WDFY1: variants seen among roughly 807,000 people sequenced by gnomAD.
WDFY1 encodes WD repeat and FYVE domain containing 1, also known as WD repeat and FYVE domain-containing protein 1.
WDFY1 carries 32 observed loss-of-function variants against 56.4 expected under a neutral mutation model. The observed-to-expected ratio is 0.57, with a 90% CI of 0.43 to 0.76. The LOEUF (loss-of-function observed/expected upper bound fraction) is 0.76. WDFY1 is among the 30% of genes least tolerant of loss of function. The probability of loss-of-function intolerance (pLI) is 0.00; values close to 1 mark genes in which losing one functional copy is unlikely to be tolerated. For synonymous variants in WDFY1, 192 were observed against 197.3 expected, an observed-to-expected ratio of 0.97 and a Z score of 0.23; for missense variants, 480 against 545.7, an observed-to-expected ratio of 0.88 and a Z score of 1.20.
rs185950259 is a variant in WDFY1, at chr2:223,893,466, G to A, written c.831+768C>T. Among the ~76,000 whole-genome samples, 1,098 of 152,052 alleles carry A rather than the reference G, an allele frequency of 7.2e-3. 45 individuals carry two copies. Among genetic ancestry groups the A allele is most frequent in the Admixed American group, 0.067 (1,015 of 15,250 alleles). On this transcript the variant is annotated intron_variant, in intron 8 of 11. Coordinates refer to ENST00000233055, the MANE Select transcript of WDFY1 (RefSeq NM_020830.5). ...GATCGCTTAAGCCTGGGAGGTTGAG[G>A]CTGCAGAGAGCCAAGATCATGCCAC...
At chr2:223,942,527 CTTTTT>C (rs57223015) in intron 1 of WDFY1, among the ~76,000 whole-genome samples, 4 of 74,238 alleles carry the variant, frequency 5.4e-5, no homozygotes, top group Admixed American at 3.0e-4. Context: ...CAAAGGCTAA[CTTTTT>C]TTTTTTTTTT....
intron 8 of WDFY1, among the ~76,000 whole-genome samples, chr2:223,887,311 C>A (rs1409520405): frequency 1.3e-5 from 2 of 152,052 alleles, no homozygotes; most frequent in Non-Finnish European, 2.9e-5. Context: ...CATGCCCAAG[C>A]GTAACTCTTG....
chr2:223,940,725 C>T (rs1689287286), intron 1 of WDFY1, among the ~76,000 whole-genome samples: 2 of 152,026 alleles, frequency 1.3e-5, no homozygotes, highest in Non-Finnish European at 2.9e-5. Flanking sequence ...TCACTGCAAC[C>T]TCCGCCTCCC....
intron 1 of WDFY1, among the ~76,000 whole-genome samples, chr2:223,930,390 C>T (rs1335166143): frequency 6.6e-6 from 1 of 152,168 alleles, no homozygotes; most frequent in Non-Finnish European, 1.5e-5. Context: ...AGTGCAATGG[C>T]TTGATCTCGG....
intron 1 of WDFY1, among the ~76,000 whole-genome samples, chr2:223,941,415 C>T (rs1167914157): frequency 2.0e-5 from 3 of 152,164 alleles, no homozygotes; most frequent in African/African-American, 7.2e-5. Context: ...TCCCTCCTGT[C>T]CTTTCCTCCT....
intron 3 of WDFY1, among the ~76,000 whole-genome samples, chr2:223,908,394 C>T (rs1426169869): frequency 1.3e-5 from 2 of 152,102 alleles, no homozygotes; most frequent in East Asian, 1.9e-4. Context: ...CTGTCTTCTA[C>T]GTGCCATCCC....
chr2:223,891,452 G>A (rs1423710537), intron 8 of WDFY1, among the ~76,000 whole-genome samples: 2 of 145,640 alleles, frequency 1.4e-5, no homozygotes, highest in African/African-American at 5.1e-5. Flanking sequence ...GTTTATCCTT[G>A]CAATACATTT....
intron 1 of WDFY1, among the ~76,000 whole-genome samples, chr2:223,931,342 C>T (rs1694068615): frequency 6.6e-6 from 1 of 152,094 alleles, no homozygotes; most frequent in Admixed American, 6.5e-5. Flanking sequence ...TATGCTTTAC[C>T]TTCCTATAGT....
intron 3 of WDFY1, among the ~76,000 whole-genome samples, chr2:223,911,529 T>C (rs1400391461): frequency 6.6e-6 from 1 of 151,522 alleles, no homozygotes; most frequent in Non-Finnish European, 1.5e-5. Flanking sequence ...TTGAGAAGTA[T>C]TGCCTTAAAG....
At chr2:223,880,592 C>G (rs1043068519) in intron 10 of WDFY1, among the ~76,000 whole-genome samples, 1 of 130,424 alleles carries the variant, frequency 7.7e-6, no homozygotes, top group Non-Finnish European at 1.6e-5. Flanking sequence ...AGGTGATCAA[C>G]CAAGACTCAG....
chr2:223,902,427 T>C (rs1338915238), intron 4 of WDFY1, among the ~76,000 whole-genome samples: 1 of 152,104 alleles, frequency 6.6e-6, no homozygotes, highest in Admixed American at 6.5e-5. Context: ...CAGCTGGGCA[T>C]GGTGGCACTT....
chr2:223,939,818 C>T (rs1041083330), intron 1 of WDFY1, among the ~76,000 whole-genome samples: 4 of 152,202 alleles, frequency 2.6e-5, no homozygotes, highest in Non-Finnish European at 5.9e-5. Flanking sequence ...ACCTCCCCCA[C>T]ATCATGACAA....
chr2:223,895,178 G>A (rs1239772880), intron 7 of WDFY1, among the ~76,000 whole-genome samples: 2 of 152,184 alleles, frequency 1.3e-5, no homozygotes, highest in South Asian at 2.1e-4. Flanking sequence ...GTCCTCACCT[G>A]CATCTCTATC....
At chr2:223,890,522 A>T (rs530065422) in intron 8 of WDFY1, among the ~76,000 whole-genome samples, 1 of 152,344 alleles carries the variant, frequency 6.6e-6, no homozygotes, top group East Asian at 1.9e-4. Flanking sequence ...CCCTAACTTT[A>T]TTTCACTTAA....
chr2:223,917,405 A>ATT (rs35733143), intron 2 of WDFY1, among the ~76,000 whole-genome samples: 23 of 150,722 alleles, frequency 1.5e-4, no homozygotes, highest in Admixed American at 4.6e-4. Context: ...TCATTTTCCT[A>ATT]TTTTTTTTTC....
At chr2:223,936,074 TTTTTG>T (rs1243797936) in intron 1 of WDFY1, among the ~76,000 whole-genome samples, 2,080 of 59,428 alleles carry the variant, frequency 0.035, 64 homozygotes, top group African/African-American at 0.084. Context: ...TTTTTTTTTT[TTTTTG>T]GGGACAGAGT....
In WDFY1 at chr2:223,901,333, G is replaced by A. The variant is rs1353528949; in HGVS notation, c.335C>T (p.Ala112Val). The part of the protein sequence containing the change: ...NKMNFIKTYP[A>V]HQNRVSAIIF... ...AATCGCAGACACCCGGTTCTGATGAGCTGCAGGAACAGAAAGGTGAACAGA... is the reference window on the plus strand; with the variant it reads ...AATCGCAGACACCCGGTTCTGATGAACTGCAGGAACAGAAAGGTGAACAGA... The change falls in exon 5 of 12, where the codon GCT becomes GTT. Residue 112 changes from alanine (A) to valine (V), a missense_variant and splice_region_variant. By Grantham distance (64) the Ala-to-Val change is moderately conservative. Transcript: ENST00000233055. 2 of 1,614,050 alleles carry A rather than the reference G, an allele frequency of 1.2e-6. No homozygotes were observed. Among genetic ancestry groups the A allele is most frequent in the Non-Finnish European group, 1.7e-6 (2 of 1,179,972 alleles).
At chr2:223,886,407 C>G (rs1452468017) in intron 8 of WDFY1, among the ~76,000 whole-genome samples, 1 of 151,810 alleles carries the variant, frequency 6.6e-6, no homozygotes, top group Non-Finnish European at 1.5e-5. Flanking sequence ...ACAAACTATA[C>G]TCAATTCTAA....
At chr2:223,908,330 A>G (rs1297546714) in intron 3 of WDFY1, among the ~76,000 whole-genome samples, 1 of 152,060 alleles carries the variant, frequency 6.6e-6, no homozygotes, top group African/African-American at 2.4e-5. Flanking sequence ...ACTTCAGTCC[A>G]TGGCTCACCA....
Sources: gnomAD v4.1 joint callset for allele counts (sites outside exome capture counted in the v4.1 genomes callset) on GRCh38, gnomAD v4.1.1 for gene constraint, MANE v1.5 for transcripts, NCBI Gene and HGNC (gene_info 2026-07-23, HGNC 2026-07-21) for gene names.